The following ERAP1 variants were observed in gnomAD, a reference collection of about 807,000 sequenced individuals.
ERAP1 encodes endoplasmic reticulum aminopeptidase 1.
ERAP1 carries 86 observed loss-of-function variants against 103.7 expected under a neutral mutation model. That is an observed-to-expected ratio of 0.83 (90% CI 0.70 to 0.99). The LOEUF (loss-of-function observed/expected upper bound fraction) is 0.99. Among genes scored for constraint, ERAP1 ranks in the 50% least tolerant of loss-of-function variants. The probability of loss-of-function intolerance (pLI) is 0.00; values close to 1 mark genes in which losing one functional copy is unlikely to be tolerated. For synonymous variants in ERAP1, 398 were observed against 402.4 expected (o/e 0.99, Z 0.13); for missense variants, 1,009 against 1,128.4 (o/e 0.89, Z 1.52).
At chr5:96,866,598 T>C in the ERAP1 span, among the ~76,000 whole-genome samples, 14 of 152,206 alleles carry the variant, frequency 9.2e-5, no homozygotes, top group African/African-American at 2.9e-4. Context: ...ATAGCCAATG[T>C]CATTCCCGCA....
chr5:96,888,344 T>C, the ERAP1 span, among the ~76,000 whole-genome samples: 1 of 152,302 alleles, frequency 6.6e-6, no homozygotes, highest in South Asian at 2.1e-4. Context: ...GACAGGTTCC[T>C]GTCAGCCTCT....
Position 96,762,440 on chromosome 5 carries a change from G to A in ERAP1, c.*760C>T, listed in dbSNP as rs27035. 4.2e-3 allele frequency: 4,879 copies of A among 1,172,506 alleles called. 154 individuals carry two copies. The African/African-American group carries it at 0.064, about 15-fold the overall frequency. The allele number at this position is 1,172,506 out of a possible 1,614,324, so 72.6% of individuals were successfully genotyped here. On this transcript the variant is annotated 3_prime_UTR_variant, in exon 20 of 20. Transcript: ENST00000296754. ...GCCACAACTAGAAAGAAAATAGGGC[G>A]CCTGTTTAAAGCAAATGAAAATAGG...
rs1211720475 is a variant in ERAP1, at chr5:96,776,539, A to C, written c.2683T>G (p.Phe895Val). The C allele has an allele frequency of 1.2e-6, 2 of 1,614,000 alleles. No individual in the cohort carries two copies. Among genetic ancestry groups the C allele is most frequent in the Admixed American group, 1.7e-5 (1 of 60,032 alleles). Residue 895 changes from phenylalanine (F) to valine (V), a missense_variant, in exon 19 of 19, where the codon TTC (phenylalanine) becomes GTC (valine). Transcript: ENST00000443439. The stretch of plus-strand genomic sequence containing the variant: ...GAACCATTTTCTTTCAAAGAGCTGA[A>C]GAATCCTTTTACCTTGTGAGGAAAA... ...RTRLEEVKGF[F>V]SSLKENGSQL...
intron 19 of ERAP1, among the ~76,000 whole-genome samples, chr5:96,765,861 C>T (rs1451476836): frequency 6.6e-6 from 1 of 152,202 alleles, no homozygotes; most frequent in South Asian, 2.1e-4. Context: ...CAGAAGCATA[C>T]GGGATTTTAT....
chr5:96,797,501 CA>C (rs1274632076), intron 3 of ERAP1, among the ~76,000 whole-genome samples, 192 bp from the exon 4 acceptor site: 1 of 151,690 alleles, frequency 6.6e-6, no homozygotes, highest in Non-Finnish European at 1.5e-5. Context: ...CCTATCTCTA[CA>C]AAAAAAATAC....
the ERAP1 span, among the ~76,000 whole-genome samples, chr5:96,833,792 G>GA: frequency 0.12 from 16,526 of 140,334 alleles, 1,211 homozygotes; most frequent in Middle Eastern, 0.23. Context: ...GCAAGGCTCG[G>GA]AAAAAAAAAA....
At chr5:96,800,305 T>C (rs1777839711) in intron 3 of ERAP1, among the ~76,000 whole-genome samples, 1 of 152,206 alleles carries the variant, frequency 6.6e-6, no homozygotes. Context: ...TGGGGAATAA[T>C]AGTTTCCCTC....
chr5:96,856,241 C>A, the ERAP1 span, among the ~76,000 whole-genome samples: 1 of 140,420 alleles, frequency 7.1e-6, no homozygotes, highest in Non-Finnish European at 1.5e-5. Context: ...ATTATTTGAA[C>A]CCGGGAGGCG....
intron 18 of ERAP1, among the ~76,000 whole-genome samples, chr5:96,780,075 A>G (rs1416468158): frequency 6.6e-6 from 1 of 152,226 alleles, no homozygotes; most frequent in Non-Finnish European, 1.5e-5. Flanking sequence ...TAGATTCCGG[A>G]CCTGCCTCTT....
At chr5:96,918,837 A>G in the ERAP1 span, 2 of 152,214 alleles carry the variant, frequency 1.3e-5, no homozygotes, top group Admixed American at 1.3e-4. Flanking sequence ...ATGCAGCACC[A>G]TATTTTATAA....
chr5:96,839,208 C>T, the ERAP1 span, among the ~76,000 whole-genome samples: 1 of 152,242 alleles, frequency 6.6e-6, no homozygotes, highest in Non-Finnish European at 1.5e-5. Flanking sequence ...AGGTGTGTCA[C>T]TAACCAGTAA....
chr5:96,808,721 G>A (rs1778964918), upstream of ERAP1, among the ~76,000 whole-genome samples: 1 of 152,128 alleles, frequency 6.6e-6, no homozygotes, highest in Admixed American at 6.5e-5. Flanking sequence ...AACAATTAAA[G>A]CTGAATAAAA....
chr5:96,791,575 T>C (rs919126905), intron 8 of ERAP1, among the ~76,000 whole-genome samples: 1 of 152,132 alleles, frequency 6.6e-6, no homozygotes, highest in African/African-American at 2.4e-5. Flanking sequence ...AAATCCTCCT[T>C]TTTCTTCCCC....
chr5:96,812,006 A>C (rs1057411773), upstream of ERAP1, among the ~76,000 whole-genome samples: 1 of 152,232 alleles, frequency 6.6e-6, no homozygotes, highest in Non-Finnish European at 1.5e-5. Context: ...TGCTCGTGTC[A>C]ACAAGGAGGT....
chr5:96,929,487 T>C, the ERAP1 span, among the ~76,000 whole-genome samples: 44 of 151,456 alleles, frequency 2.9e-4, 1 homozygote, highest in African/African-American at 1.0e-3. Flanking sequence ...CTTCCTTCCT[T>C]CCTTTCTTTC....
the ERAP1 span, chr5:96,881,547 A>G: frequency 2.2e-6 from 1 of 453,268 alleles, no homozygotes; most frequent in Non-Finnish European, 4.4e-6. Context: ...AGTTGGAGAA[A>G]TCTAAATTCC....
chr5:96,915,114 T>G, the ERAP1 span, among the ~76,000 whole-genome samples: 1 of 152,070 alleles, frequency 6.6e-6, no homozygotes, highest in Admixed American at 6.5e-5. Context: ...TTCAAGTGAC[T>G]CTCCTGCCTC....
chr5:96,830,552 T>C, the ERAP1 span, among the ~76,000 whole-genome samples: 7 of 152,188 alleles, frequency 4.6e-5, 1 homozygote, highest in African/African-American at 1.4e-4. Flanking sequence ...AAGTGAACTA[T>C]TGCTACAGTA....
chr5:96,926,463 A>T, the ERAP1 span, among the ~76,000 whole-genome samples: 10 of 152,292 alleles, frequency 6.6e-5, no homozygotes, highest in Non-Finnish European at 1.5e-4. Flanking sequence ...GACACTTCCC[A>T]TTCTTGCCTC....
Sources: gnomAD v4.1 joint callset for allele counts (sites outside exome capture counted in the v4.1 genomes callset) on GRCh38, gnomAD v4.1.1 for gene constraint, MANE v1.5 for transcripts, NCBI Gene and HGNC (gene_info 2026-07-23, HGNC 2026-07-21) for gene names.